Variants in CTSS observed in about 807,000 individuals in gnomAD.
CTSS encodes the protein cathepsin S.
In CTSS, 15 loss-of-function variants were observed where a neutral mutation model predicts 39.9. The ratio of observed to expected loss-of-function variants is 0.38; its 90% CI spans 0.25 to 0.58. The LOEUF is 0.58. CTSS is among the 20% of genes least tolerant of loss of function. CTSS has a pLI of 0.70. For synonymous variants in CTSS, 126 were observed against 138.2 expected, an observed-to-expected ratio of 0.91 and a Z score of 0.62; for missense variants, 250 against 398.2, an observed-to-expected ratio of 0.63 and a Z score of 3.17.
intron 7 of CTSS, among the ~76,000 whole-genome samples, chr1:150,734,362 C>T (rs1022057624): frequency 4.0e-5 from 6 of 151,152 alleles, no homozygotes; most frequent in Admixed American, 2.0e-4. Flanking sequence ...TACTATTGGT[C>T]GGGCACGGTG....
At chr1:150,738,490 A>ATTT (rs200199076) in intron 7 of CTSS, among the ~76,000 whole-genome samples, 1 of 138,896 alleles carries the variant, frequency 7.2e-6, no homozygotes, top group Admixed American at 7.3e-5. Flanking sequence ...GTGATCAGTG[A>ATTT]TTTTTTTTTT....
At chr1:150,733,927 A>G (rs1652577502) in intron 7 of CTSS, among the ~76,000 whole-genome samples, 1 of 152,212 alleles carries the variant, frequency 6.6e-6, no homozygotes, top group Admixed American at 6.5e-5. Context: ...GGGTTCGAGT[A>G]GATCAGTGTT....
In CTSS at chr1:150,731,801, A is replaced by G. The variant is rs767807873; in HGVS notation, c.*1245T>C. ...CTGGTCAAATTGTTGATGACTACGTAAAAATAATTTGGACTAATACATTAA... is the reference window on the plus strand; with the variant it reads ...CTGGTCAAATTGTTGATGACTACGTGAAAATAATTTGGACTAATACATTAA... On this transcript the variant is annotated 3_prime_UTR_variant, in exon 8 of 8. Transcript: ENST00000368985. 1 of 152,216 alleles carries G rather than the reference A, an allele frequency of 6.6e-6. No individual in the cohort carries two copies. The highest frequency in any genetic ancestry group is 1.5e-5 in the Non-Finnish European group (1 of 68,032). The allele number at this position is 152,216 out of a possible 1,614,324, so 9.4% of individuals were successfully genotyped here.
chr1:150,734,547 A>G (rs1652593826), intron 7 of CTSS, among the ~76,000 whole-genome samples: 1 of 152,098 alleles, frequency 6.6e-6, no homozygotes, highest in South Asian at 2.1e-4. Context: ...AGGCTGAGGT[A>G]GGAGAATCGC....
intron 5 of CTSS, among the ~76,000 whole-genome samples, chr1:150,751,376 T>C (rs1387885132): frequency 1.3e-5 from 2 of 151,882 alleles, no homozygotes; most frequent in Non-Finnish European, 2.9e-5. Flanking sequence ...GCCTCCCGAG[T>C]AGCTGGGACC....
chr1:150,735,834 G>A (rs375256779), intron 7 of CTSS, among the ~76,000 whole-genome samples: 3 of 148,930 alleles, frequency 2.0e-5, no homozygotes, highest in African/African-American at 7.5e-5. Context: ...TCGGCTCACT[G>A]CAAGCTCCGC....
chr1:150,734,368 C>T (rs953281940), intron 7 of CTSS, among the ~76,000 whole-genome samples: 31 of 150,874 alleles, frequency 2.1e-4, no homozygotes, highest in East Asian at 1.8e-3. Context: ...TGGTCGGGCA[C>T]GGTGGCTCAA....
chr1:150,754,146 C>T (rs1238009745), intron 4 of CTSS, among the ~76,000 whole-genome samples: 2 of 144,334 alleles, frequency 1.4e-5, no homozygotes, highest in African/African-American at 2.6e-5. Flanking sequence ...CAGGGTCTCA[C>T]TCTATCGCCC....
intron 4 of CTSS, among the ~76,000 whole-genome samples, chr1:150,752,807 AAT>A (rs1010402580): frequency 1.1e-4 from 17 of 152,276 alleles, no homozygotes; most frequent in African/African-American, 4.1e-4. Flanking sequence ...TTGAAAGAAA[AAT>A]ATGTAGGTGG....
At chr1:150,736,874 G>A (rs962837316) in intron 7 of CTSS, among the ~76,000 whole-genome samples, 1 of 152,074 alleles carries the variant, frequency 6.6e-6, no homozygotes, top group Non-Finnish European at 1.5e-5. Flanking sequence ...TACTTACCAA[G>A]TTGTATATTT....
At chr1:150,738,342 G>A (rs1185516572) in intron 7 of CTSS, among the ~76,000 whole-genome samples, 1 of 152,134 alleles carries the variant, frequency 6.6e-6, no homozygotes, top group Non-Finnish European at 1.5e-5. Context: ...GAAGGTTTGT[G>A]GCAACCCTGC....
chr1:150,737,251 C>T (rs1293317553), intron 7 of CTSS, among the ~76,000 whole-genome samples: 2 of 151,996 alleles, frequency 1.3e-5, no homozygotes, highest in African/African-American at 2.4e-5. Flanking sequence ...TACAGGCGTG[C>T]GCCATCATGC....
chr1:150,749,643 CTCTT>C (rs1367524091), intron 6 of CTSS, among the ~76,000 whole-genome samples: 24 of 138,960 alleles, frequency 1.7e-4, no homozygotes, highest in Non-Finnish European at 2.9e-4. Context: ...TTCCTTCTTT[CTCTT>C]TCTTTCTTCC....
intron 2 of CTSS, 120 bp downstream of exon 2, chr1:150,764,518 G>A (rs897410493): frequency 1.2e-5 from 16 of 1,352,892 alleles, no homozygotes; most frequent in African/African-American, 4.3e-5. Context: ...GATTACAGGC[G>A]CGAGCCACCA....
chr1:150,749,970 C>A (rs1270920887), intron 6 of CTSS, 36 bp downstream of exon 6: 1 of 1,543,312 alleles, frequency 6.5e-7, no homozygotes, highest in South Asian at 1.2e-5. Flanking sequence ...TTCTTTCTTT[C>A]TTTAAATTCT....
rs1253129802 is a variant in CTSS, at chr1:150,730,507, G to T, written c.*2539C>A. 6 of 152,054 alleles carry T rather than the reference G, an allele frequency of 3.9e-5. No individual in the cohort carries two copies. The highest frequency in any genetic ancestry group is 1.5e-5 in the Non-Finnish European group (1 of 68,024). 9.4% of individuals were successfully genotyped at this position (152,054 alleles called of 1,614,324 possible). ...GTCTTATGATCTACTTCAGGGGAAG[G>T]TCAGAAAATCCTTCCCAGGTTTTAT... is the stretch of plus-strand genomic sequence containing the variant. On this transcript the variant is annotated 3_prime_UTR_variant, in exon 8 of 8. Transcript: ENST00000368985.
At chr1:150,743,266 C>A (rs1351099109) in intron 7 of CTSS, among the ~76,000 whole-genome samples, 2 of 151,828 alleles carry the variant, frequency 1.3e-5, no homozygotes, top group African/African-American at 4.8e-5. Context: ...ACCTCTAACA[C>A]ACTTTCCTCC....
intron 6 of CTSS, 136 bp downstream of exon 6, chr1:150,749,870 G>A (rs770069955): frequency 6.9e-5 from 44 of 637,098 alleles, no homozygotes; most frequent in Non-Finnish European, 1.0e-4. Flanking sequence ...GCTCAGGCTG[G>A]TGTCAAACTC....
At chr1:150,752,092 C>T in intron 4 of CTSS, 84 bp from the exon 5 acceptor site, 2 of 1,372,836 alleles carry the variant, frequency 1.5e-6, no homozygotes, top group South Asian at 1.3e-5. Context: ...CAACGCTCAG[C>T]TACATCAGTT....
Sources: gnomAD v4.1 joint callset for allele counts (sites outside exome capture counted in the v4.1 genomes callset) on GRCh38, gnomAD v4.1.1 for gene constraint, MANE v1.5 for transcripts, NCBI Gene and HGNC (gene_info 2026-07-23, HGNC 2026-07-21) for gene names.